The following GOLM2 variants were observed in gnomAD, a reference collection of about 807,000 sequenced individuals.
GOLM2 encodes the protein protein GOLM2.
Under a neutral mutation model 55.9 loss-of-function variants are expected in GOLM2, and 26 were observed. The ratio of observed to expected loss-of-function variants is 0.47; its 90% CI spans 0.34 to 0.65. The LOEUF (loss-of-function observed/expected upper bound fraction) is 0.65, where lower values mean the gene tolerates loss of function less well. GOLM2 is among the 30% of genes least tolerant of loss of function. GOLM2 has a pLI of 0.01. For synonymous variants in GOLM2, 165 were observed against 194.6 expected, an observed-to-expected ratio of 0.85 and a Z score of 1.27; for missense variants, 486 against 531.8, an observed-to-expected ratio of 0.91 and a Z score of 0.85.
intron 6 of GOLM2, among the ~76,000 whole-genome samples, chr15:44,375,084 C>T (rs1459872926): frequency 6.6e-6 from 1 of 152,106 alleles, no homozygotes; most frequent in Non-Finnish European, 1.5e-5. Context: ...GTGGTGCTAT[C>T]TCGGCTCACT....
At chr15:44,291,842 A>AG (rs2078722768) in intron 1 of GOLM2, among the ~76,000 whole-genome samples, 1 of 151,804 alleles carries the variant, frequency 6.6e-6, no homozygotes, top group African/African-American at 2.4e-5. Flanking sequence ...GGTGGTGAGG[A>AG]GAAAAAAATG....
rs1440446531 is a variant in GOLM2 at position 44,402,972 on chromosome 15, A to T, written c.1158A>T (p.Val386=). 2 of 1,613,960 alleles carry T rather than the reference A, an allele frequency of 1.2e-6. No individual in the cohort carries two copies. The highest frequency in any genetic ancestry group is 1.7e-6 in the Non-Finnish European group (2 of 1,179,998). ...ATTATAATGGGGATGATGGTAACGT[A>T]GGTGAGTATGAGGCAGACAAGCAGG... ...LADYNGDDGN[V]GEYEADKQAE... The change falls in exon 9 of 10, where the codon GTA becomes GTT. Residue 386 remains valine, a synonymous_variant. Coordinates refer to ENST00000299957, the MANE Select transcript of GOLM2 (RefSeq NM_138423.4).
intron 6 of GOLM2, among the ~76,000 whole-genome samples, chr15:44,358,758 A>G (rs1038740775): frequency 2.6e-5 from 4 of 152,230 alleles, no homozygotes. Context: ...AGAAGACAAC[A>G]AGAGAAAACC....
intron 6 of GOLM2, among the ~76,000 whole-genome samples, chr15:44,355,873 AC>A (rs1341316916): frequency 6.6e-6 from 1 of 152,172 alleles, no homozygotes; most frequent in African/African-American, 2.4e-5. Context: ...CTTGTCATGT[AC>A]CGTCAATAAA....
At chr15:44,332,944 T>TTG (rs1460866889) in intron 4 of GOLM2, among the ~76,000 whole-genome samples, 2 of 152,112 alleles carry the variant, frequency 1.3e-5, no homozygotes, top group East Asian at 1.9e-4. Flanking sequence ...TCATTTTTTT[T>TTG]TGTGTGTGTG....
intron 6 of GOLM2, 67 bp downstream of exon 6, chr15:44,338,384 T>C: frequency 8.3e-7 from 1 of 1,197,754 alleles, no homozygotes; most frequent in South Asian, 1.3e-5. Context: ...CCCCATTCTC[T>C]TTTTCGGTAA....
chr15:44,322,943 T>G (rs896376144), intron 1 of GOLM2, 22 bp from the exon 2 acceptor site: 2 of 1,525,730 alleles, frequency 1.3e-6, no homozygotes, highest in Non-Finnish European at 1.8e-6. Flanking sequence ...TTTAGTAAAA[T>G]GAGAACTTAA....
At chr15:44,315,924 A>C (rs2078906219) in intron 1 of GOLM2, among the ~76,000 whole-genome samples, 1 of 152,244 alleles carries the variant, frequency 6.6e-6, no homozygotes, top group Non-Finnish European at 1.5e-5. Flanking sequence ...AGTATAACTT[A>C]AGGTAGGAGA....
Position 44,391,331 on chromosome 15 carries a change from G to A in GOLM2, c.1072+10355G>A, listed in dbSNP as rs140006004. Among the ~76,000 whole-genome samples the A allele has an allele frequency of 8.9e-4, 135 of 151,974 alleles. 1 individual carries two copies. Among genetic ancestry groups the A allele is most frequent in the African/African-American group, 3.0e-3 (125 of 41,472 alleles). On this transcript the variant is annotated intron_variant, in intron 8 of 9. Coordinates refer to ENST00000299957, the MANE Select transcript of GOLM2 (RefSeq NM_138423.4). ...AGATCGAGACCATCCTGGCTAACACGGTGAAGCCCCGTCTCTACTAAAAAA... is the reference window on the plus strand; with the variant it reads ...AGATCGAGACCATCCTGGCTAACACAGTGAAGCCCCGTCTCTACTAAAAAA...
intron 1 of GOLM2, among the ~76,000 whole-genome samples, chr15:44,317,674 G>A (rs1039539307): frequency 3.3e-5 from 5 of 151,942 alleles, no homozygotes; most frequent in South Asian, 2.1e-4. Flanking sequence ...CTCTCTGGTC[G>A]TCGCCCGAGC....
intron 9 of GOLM2, among the ~76,000 whole-genome samples, chr15:44,408,936 C>A (rs535147319): frequency 6.0e-5 from 9 of 150,482 alleles, no homozygotes; most frequent in African/African-American, 2.2e-4. Flanking sequence ...GCACTCCAGC[C>A]TGGGCAACAG....
intron 1 of GOLM2, among the ~76,000 whole-genome samples, chr15:44,298,970 T>C (rs1350270620): frequency 6.6e-6 from 1 of 152,078 alleles, no homozygotes; most frequent in African/African-American, 2.4e-5. Context: ...GGTGCATGAA[T>C]ACACAGAGAC....
At chr15:44,337,253 T>C (rs2079063644) in intron 4 of GOLM2, among the ~76,000 whole-genome samples, 1 of 151,892 alleles carries the variant, frequency 6.6e-6, no homozygotes, top group Admixed American at 6.6e-5. Context: ...CTGACCTGTT[T>C]ATTGTCCTGC....
chr15:44,345,550 G>A (rs1456120738), intron 6 of GOLM2, among the ~76,000 whole-genome samples: 2 of 152,170 alleles, frequency 1.3e-5, no homozygotes, highest in African/African-American at 4.8e-5. Flanking sequence ...GTAAGGCACT[G>A]TGCCCAGCCT....
chr15:44,379,639 A>ATT, intron 6 of GOLM2, 51 bp from the exon 7 acceptor site: 1 of 257,356 alleles, frequency 3.9e-6, no homozygotes. Flanking sequence ...TTTTTTTTTT[A>ATT]GAAATCATAG....
chr15:44,338,376 C>T, intron 6 of GOLM2, 59 bp downstream of exon 6: 1 of 1,292,388 alleles, frequency 7.7e-7, no homozygotes, highest in Non-Finnish European at 1.1e-6. Context: ...TCATGTGACC[C>T]CATTCTCTTT....
intron 9 of GOLM2, among the ~76,000 whole-genome samples, chr15:44,403,414 A>G (rs368621285): frequency 6.6e-6 from 1 of 152,230 alleles, no homozygotes; most frequent in East Asian, 1.9e-4. Flanking sequence ...TGCTCACCTC[A>G]GGCTCCCAAA....
intron 1 of GOLM2, among the ~76,000 whole-genome samples, chr15:44,292,474 G>A (rs553931740): frequency 4.6e-5 from 7 of 152,202 alleles, no homozygotes; most frequent in Middle Eastern, 3.4e-3. Flanking sequence ...GAGATTACAG[G>A]CGTGAGCCAC....
chr15:44,332,480 C>A (rs1033097998), intron 4 of GOLM2, among the ~76,000 whole-genome samples: 2 of 151,432 alleles, frequency 1.3e-5, no homozygotes, highest in Non-Finnish European at 2.9e-5. Flanking sequence ...CCGCTTGAGC[C>A]TGGGAGACGG....
Sources: gnomAD v4.1 joint callset for allele counts (sites outside exome capture counted in the v4.1 genomes callset) on GRCh38, gnomAD v4.1.1 for gene constraint, MANE v1.5 for transcripts, NCBI Gene and HGNC (gene_info 2026-07-23, HGNC 2026-07-21) for gene names.